PCSK2: variants seen among roughly 807,000 people sequenced by gnomAD.
PCSK2 encodes the protein proprotein convertase subtilisin/kexin type 2.
Under a neutral mutation model 69.7 loss-of-function variants are expected in PCSK2, and 14 were observed. The ratio of observed to expected loss-of-function variants is 0.20; its 90% CI spans 0.13 to 0.31. The LOEUF is 0.31. Ranked by LOEUF, PCSK2 falls within the 10% of genes least tolerant of loss-of-function variation. The pLI is 1.00. For missense variants in PCSK2, 544 were observed against 842.5 expected (o/e 0.65, Z 4.39); for synonymous variants, 307 against 320.7 (o/e 0.96, Z 0.46).
intron 2 of PCSK2, among the ~76,000 whole-genome samples, chr20:17,287,435 G>C (rs866129713): frequency 2.2e-5 from 2 of 92,616 alleles, no homozygotes; most frequent in African/African-American, 6.7e-5. Context: ...GCGTGTCTGT[G>C]TGTGTGTGTG....
At chr20:17,275,533 A>G (rs1198060716) in intron 2 of PCSK2, among the ~76,000 whole-genome samples, 2 of 152,190 alleles carry the variant, frequency 1.3e-5, no homozygotes, top group East Asian at 1.9e-4. Flanking sequence ...ACTATTGTTC[A>G]TAGAGATTCA....
At chr20:17,323,242 C>A (rs1048281432) in intron 2 of PCSK2, among the ~76,000 whole-genome samples, 2 of 152,138 alleles carry the variant, frequency 1.3e-5, no homozygotes, top group African/African-American at 2.4e-5. Context: ...CAGACCATAG[C>A]AAATAGTGTC....
intron 2 of PCSK2, among the ~76,000 whole-genome samples, chr20:17,347,234 T>C (rs543990153): frequency 6.6e-6 from 1 of 152,276 alleles, no homozygotes; most frequent in Admixed American, 6.5e-5. Flanking sequence ...AAGTCATATC[T>C]CCTGCTCAAG....
chr20:17,350,990 A>C (rs2029966228), intron 2 of PCSK2, among the ~76,000 whole-genome samples: 1 of 151,276 alleles, frequency 6.6e-6, no homozygotes. Context: ...CAGTAAGCCA[A>C]GATGGTGCCA....
intron 5 of PCSK2, among the ~76,000 whole-genome samples, chr20:17,373,098 T>C (rs1211065297): frequency 1.3e-5 from 2 of 152,120 alleles, no homozygotes; most frequent in Non-Finnish European, 2.9e-5. Flanking sequence ...GGTGGAGTCT[T>C]TGCTTGGGTT....
chr20:17,480,750 G>T (rs940292385), intron 11 of PCSK2, among the ~76,000 whole-genome samples: 2 of 152,178 alleles, frequency 1.3e-5, no homozygotes, highest in African/African-American at 2.4e-5. Context: ...TGCCACCGTG[G>T]GCAGCTGAGC....
At chr20:17,227,907 G>C (rs1302582823) in intron 1 of PCSK2, among the ~76,000 whole-genome samples, 2 of 151,982 alleles carry the variant, frequency 1.3e-5, no homozygotes, top group Admixed American at 1.3e-4. Context: ...TCCTACAGAC[G>C]AGGCTGGACG....
At chr20:17,440,367 C>T (rs934800403) in intron 8 of PCSK2, among the ~76,000 whole-genome samples, 2 of 152,308 alleles carry the variant, frequency 1.3e-5, no homozygotes, top group Middle Eastern at 6.8e-3. Flanking sequence ...AAGACCCTAA[C>T]ATATGGTTTC....
At chr20:17,310,752 G>A (rs1989478668) in intron 2 of PCSK2, among the ~76,000 whole-genome samples, 1 of 151,296 alleles carries the variant, frequency 6.6e-6, no homozygotes, top group East Asian at 1.9e-4. Flanking sequence ...AGCACTTTGG[G>A]AGGCCGAGGC....
rs151113640 is a variant in PCSK2 at position 17,263,538 on chromosome 20, C to A, written c.282+3194C>A. On this transcript the variant is annotated intron_variant, in intron 2 of 11. Transcript: ENST00000262545. ...GAATGAATGATTACTATTTTTTCTT[C>A]AGGGTTTTAATCCATGTAATAGTAT... Among the ~76,000 whole-genome samples the A allele has an allele frequency of 5.6e-3, 860 of 152,248 alleles. 6 individuals carry two copies. The highest frequency in any genetic ancestry group is 0.02 in the African/African-American group (822 of 41,564).
chr20:17,250,020 A>G lies in PCSK2; in HGVS notation c.178-10220A>G, dbSNP rs149749730. 9.6e-3 allele frequency among the ~76,000 whole-genome samples: 1,468 copies of G among 152,344 alleles called. 10 individuals are homozygous for G. The highest frequency in any genetic ancestry group is 0.014 in the Non-Finnish European group (944 of 68,032). On this transcript the variant is annotated intron_variant, in intron 1 of 11. Transcript: ENST00000262545. ...GTTATATATATTTATCACAATAAAA[A>G]CATTACTTTTAAAAAGAAGCAGAGT... is the stretch of plus-strand genomic sequence containing the variant.
chr20:17,458,569 G>A (rs1374790221), intron 10 of PCSK2, among the ~76,000 whole-genome samples: 1 of 152,200 alleles, frequency 6.6e-6, no homozygotes, highest in Non-Finnish European at 1.5e-5. Flanking sequence ...AGCCCAGAGG[G>A]ATGAGGAATA....
chr20:17,460,226 T>C (rs996177614), intron 10 of PCSK2, among the ~76,000 whole-genome samples: 1 of 129,390 alleles, frequency 7.7e-6, no homozygotes, highest in Non-Finnish European at 1.7e-5. Flanking sequence ...AATAAACAAA[T>C]AAAAGAGAGA....
chr20:17,278,128 T>C (rs1244626351), intron 2 of PCSK2, among the ~76,000 whole-genome samples: 2 of 152,190 alleles, frequency 1.3e-5, no homozygotes, highest in Admixed American at 6.5e-5. Context: ...CATGGGACTG[T>C]AAACTAGTTC....
In PCSK2 at chr20:17,482,079, A is replaced by G. The variant is rs776943122; in HGVS notation, c.*9A>G. On this transcript the variant is annotated 3_prime_UTR_variant, in exon 12 of 12. Transcript: ENST00000262545. Reference sequence around the variant, plus strand: ...TCCTTAACAAGAACTAGCGCTGCACATCCGCCTTTCCCACCGCCCTCCCTC... The same window carrying G: ...TCCTTAACAAGAACTAGCGCTGCACGTCCGCCTTTCCCACCGCCCTCCCTC... The G allele has an allele frequency of 6.5e-7, 1 of 1,544,994 alleles. No individual in the cohort carries two copies. The highest frequency in any genetic ancestry group is 1.4e-5 in the African/African-American group (1 of 72,900).
intron 2 of PCSK2, among the ~76,000 whole-genome samples, chr20:17,327,336 G>A (rs1343916915): frequency 6.6e-6 from 1 of 152,016 alleles, no homozygotes; most frequent in East Asian, 1.9e-4. Context: ...CCGGTGGGTC[G>A]GGGCTATGTC....
chr20:17,403,305 A>G (rs1008879577), intron 5 of PCSK2, among the ~76,000 whole-genome samples: 4 of 152,266 alleles, frequency 2.6e-5, no homozygotes, highest in African/African-American at 7.2e-5. Context: ...GATTTAATAT[A>G]GACATAAATC....
At chr20:17,246,259 C>A (rs183502522) in intron 1 of PCSK2, among the ~76,000 whole-genome samples, 65 of 152,286 alleles carry the variant, frequency 4.3e-4, no homozygotes, top group Non-Finnish European at 3.5e-4. Flanking sequence ...GATTCTTCTG[C>A]TCCCTACTAC....
chr20:17,293,798 T>G (rs1303206770), intron 2 of PCSK2, among the ~76,000 whole-genome samples: 1 of 152,204 alleles, frequency 6.6e-6, no homozygotes, highest in Non-Finnish European at 1.5e-5. Flanking sequence ...GGCAGCCTTC[T>G]TCTCAGGAAT....
Sources: allele counts gnomAD v4.1 joint callset (sites outside exome capture counted in the v4.1 genomes callset), GRCh38; gene constraint gnomAD v4.1.1; transcripts MANE v1.5; gene names NCBI Gene and HGNC (gene_info 2026-07-23, HGNC 2026-07-21).